SHTN1: variants seen among roughly 807,000 people sequenced by gnomAD.
SHTN1 encodes the protein shootin-1.
In SHTN1, 42 loss-of-function variants were observed where a neutral mutation model predicts 83.1. The observed-to-expected ratio is 0.51, with a 90% CI of 0.39 to 0.65. SHTN1 has a LOEUF of 0.65. Among genes scored for constraint, SHTN1 ranks in the 30% least tolerant of loss-of-function variants. The probability of loss-of-function intolerance (pLI) is 0.00; values close to 1 mark genes in which losing one functional copy is unlikely to be tolerated. For synonymous variants in SHTN1, 224 were observed against 247.7 expected (o/e 0.90, Z 0.90); for missense variants, 622 against 737.8 (o/e 0.84, Z 1.82).
intron 7 of SHTN1, among the ~76,000 whole-genome samples, chr10:116,948,335 GTTCATT>G (rs1849660326): frequency 6.6e-6 from 1 of 152,094 alleles, no homozygotes; most frequent in Non-Finnish European, 1.5e-5. Context: ...TGATCATTAG[GTTCATT>G]TTCATGTGAT....
chr10:116,959,750 C>A (rs1454117521), intron 4 of SHTN1, among the ~76,000 whole-genome samples: 1 of 152,104 alleles, frequency 6.6e-6, no homozygotes, highest in African/African-American at 2.4e-5. Context: ...TCATCTGATT[C>A]AAATATGAGA....
chr10:117,071,460 C>T (rs541036178), intron 1 of SHTN1, among the ~76,000 whole-genome samples: 1 of 152,310 alleles, frequency 6.6e-6, no homozygotes, highest in East Asian at 1.9e-4. Context: ...TTGCTATTCT[C>T]ATCACATAAA....
intron 2 of SHTN1, among the ~76,000 whole-genome samples, chr10:117,029,454 G>T (rs577939555): frequency 1.9e-4 from 29 of 152,280 alleles, no homozygotes; most frequent in Admixed American, 3.9e-4. Flanking sequence ...AAGTACATGA[G>T]ATTTGGGAAG....
chr10:117,048,906 T>C (rs1388880762), intron 1 of SHTN1, among the ~76,000 whole-genome samples: 1 of 152,172 alleles, frequency 6.6e-6, no homozygotes, highest in Non-Finnish European at 1.5e-5. Context: ...GAGGCAAAAG[T>C]AAAGGCCTAG....
At chr10:117,015,298 A>AT (rs937289976) in intron 2 of SHTN1, among the ~76,000 whole-genome samples, 41 of 151,626 alleles carry the variant, frequency 2.7e-4, no homozygotes, top group African/African-American at 9.2e-4. Flanking sequence ...AATTGTAGTA[A>AT]TTTTTTTTGT....
intron 1 of SHTN1, among the ~76,000 whole-genome samples, chr10:117,053,965 T>G (rs1300980498): frequency 1.3e-5 from 2 of 152,194 alleles, no homozygotes; most frequent in African/African-American, 2.4e-5. Flanking sequence ...CTTGAAAACA[T>G]TATGCCAAGT....
intron 13 of SHTN1, among the ~76,000 whole-genome samples, chr10:116,912,928 G>C (rs1848254657): frequency 1.3e-5 from 2 of 152,088 alleles, no homozygotes; most frequent in Non-Finnish European, 2.9e-5. Flanking sequence ...GAAGAGAGAG[G>C]TTTGCTGCTC....
intron 4 of SHTN1, among the ~76,000 whole-genome samples, chr10:116,957,085 G>A (rs911681092): frequency 2.7e-5 from 4 of 150,458 alleles, no homozygotes; most frequent in Non-Finnish European, 3.0e-5. Flanking sequence ...CACCACACCC[G>A]GCCTAGACAT....
chr10:116,901,568 G>C, intron 16 of SHTN1, 197 bp downstream of exon 16: 1 of 985,260 alleles, frequency 1.0e-6, no homozygotes, highest in South Asian at 4.7e-5. Context: ...TTTGTACATG[G>C]TACTTGCTTT....
intron 1 of SHTN1, among the ~76,000 whole-genome samples, chr10:116,983,055 T>G (rs549887512): frequency 6.6e-6 from 1 of 152,066 alleles, no homozygotes; most frequent in Non-Finnish European, 1.5e-5. Flanking sequence ...TCTCTCAGAT[T>G]TACAGGTACA....
chr10:117,055,492 G>T (rs1434363847), intron 1 of SHTN1, among the ~76,000 whole-genome samples: 1 of 152,182 alleles, frequency 6.6e-6, no homozygotes, highest in East Asian at 1.9e-4. Context: ...CTTTTAGAGT[G>T]ATGAAATTAT....
chr10:116,964,506 C>T (rs181655990), intron 3 of SHTN1, among the ~76,000 whole-genome samples: 1 of 152,284 alleles, frequency 6.6e-6, no homozygotes, highest in South Asian at 2.1e-4. Flanking sequence ...TAACTCCCAG[C>T]GATATTTAGA....
rs1564894106 is a variant in SHTN1 at position 116,951,979 on chromosome 10, TG to T, written c.463del (p.Gln155ArgfsTer7). 6.4e-7 allele frequency: 1 copy of T among 1,569,988 alleles called. No homozygotes were observed. Among genetic ancestry groups the T allele is most frequent in the Non-Finnish European group, 8.7e-7 (1 of 1,154,818 alleles). On this transcript the variant is annotated frameshift_variant, in exon 6 of 17. Transcript: ENST00000355371. LOFTEE classifies it high-confidence loss of function. ...AATGGCTAAAATCTTCTTTTCCTCCTGAACAGATACAATTTGATCTCGAAGT... is the reference window on the plus strand; with the variant it reads ...AATGGCTAAAATCTTCTTTTCCTCCTAACAGATACAATTTGATCTCGAAGT... ...KELRDQIVSV[Q>X]EEKKILAIEL...
chr10:116,958,362 T>G (rs1850058385), intron 4 of SHTN1, among the ~76,000 whole-genome samples: 1 of 152,200 alleles, frequency 6.6e-6, no homozygotes, highest in Non-Finnish European at 1.5e-5. Flanking sequence ...CTAGGCCCCA[T>G]GAGTTCATAC....
At chr10:117,102,718 AAC>A (rs1480322754) in intron 1 of SHTN1, among the ~76,000 whole-genome samples, 1 of 152,118 alleles carries the variant, frequency 6.6e-6, no homozygotes, top group Non-Finnish European at 1.5e-5. Flanking sequence ...TGAAAAAACT[AAC>A]AGTGCCAGTA....
intron 11 of SHTN1, among the ~76,000 whole-genome samples, chr10:116,922,558 A>G (rs988699828): frequency 2.6e-5 from 4 of 152,196 alleles, no homozygotes; most frequent in African/African-American, 9.7e-5. Context: ...AATAACTCAA[A>G]TGTCCATCAG....
intron 12 of SHTN1, among the ~76,000 whole-genome samples, chr10:116,920,200 C>T (rs995537533): frequency 6.6e-6 from 1 of 152,142 alleles, no homozygotes; most frequent in African/African-American, 2.4e-5. Context: ...GATGAAGAGT[C>T]TGGAACACAC....
chr10:117,082,810 T>C (rs1002760678), intron 1 of SHTN1, among the ~76,000 whole-genome samples: 2 of 152,052 alleles, frequency 1.3e-5, no homozygotes, highest in East Asian at 2.0e-4. Flanking sequence ...TTGTCTCTTT[T>C]GATCTTTGTT....
intron 2 of SHTN1, among the ~76,000 whole-genome samples, chr10:117,040,835 TTAAC>T (rs1852573065): frequency 6.6e-6 from 1 of 152,094 alleles, no homozygotes. Flanking sequence ...TTGAAATAGT[TTAAC>T]AAACATGATT....
Sources: gnomAD v4.1 joint callset for allele counts (sites outside exome capture counted in the v4.1 genomes callset) on GRCh38, gnomAD v4.1.1 for gene constraint, MANE v1.5 for transcripts, NCBI Gene and HGNC (gene_info 2026-07-23, HGNC 2026-07-21) for gene names.